Variants in NUFIP1 observed in about 807,000 individuals in gnomAD.
The protein encoded by NUFIP1 is FMR1-interacting protein NUFIP1.
NUFIP1 carries 38 observed loss-of-function variants against 56.2 expected under a neutral mutation model. The observed-to-expected ratio is 0.68, with a 90% CI of 0.52 to 0.89. The LOEUF is 0.89. NUFIP1 is among the 40% of genes least tolerant of loss of function. The pLI, the probability that NUFIP1 is intolerant of heterozygous loss-of-function variation, is 0.00. For synonymous variants in NUFIP1, 215 were observed against 212.4 expected (o/e 1.01, Z -0.10); for missense variants, 567 against 605.8 (o/e 0.94, Z 0.67).
chr13:44,964,699 GA>G (rs879381172), intron 6 of NUFIP1, among the ~76,000 whole-genome samples: 1 of 151,918 alleles, frequency 6.6e-6, no homozygotes, highest in Non-Finnish European at 1.5e-5. Context: ...TATTTGTCAG[GA>G]AACTATCCAA....
At chr13:44,968,925 A>G (rs1430131741) in intron 5 of NUFIP1, among the ~76,000 whole-genome samples, 1 of 152,202 alleles carries the variant, frequency 6.6e-6, no homozygotes, top group East Asian at 1.9e-4. Context: ...TGTGATGTGT[A>G]GAAACTCCTT....
intron 7 of NUFIP1, 102 bp downstream of exon 7, chr13:44,959,279 A>AT: frequency 9.6e-7 from 1 of 1,044,502 alleles, no homozygotes; most frequent in Non-Finnish European, 1.4e-6. Context: ...CTGCATTGTT[A>AT]TACATTTGAT....
At chr13:44,943,109 C>A (rs1053259822) in intron 9 of NUFIP1, among the ~76,000 whole-genome samples, 1 of 151,984 alleles carries the variant, frequency 6.6e-6, no homozygotes, top group East Asian at 1.9e-4. Flanking sequence ...TACTAAAAAT[C>A]TTTTTTTCCC....
chr13:44,984,512 C>T (rs1054842802), intron 1 of NUFIP1, among the ~76,000 whole-genome samples: 3 of 151,850 alleles, frequency 2.0e-5, no homozygotes, highest in African/African-American at 7.3e-5. Flanking sequence ...TGTGGTAGTG[C>T]GTGCCTGTAG....
intron 3 of NUFIP1, among the ~76,000 whole-genome samples, chr13:44,980,342 G>A (rs1050280859): frequency 3.3e-5 from 5 of 152,196 alleles, no homozygotes; most frequent in African/African-American, 1.2e-4. Flanking sequence ...ACAAGGTGTG[G>A]ACCAGCCTTT....
intron 8 of NUFIP1, among the ~76,000 whole-genome samples, chr13:44,948,167 C>T (rs1256523679): frequency 4.4e-5 from 6 of 135,440 alleles, no homozygotes; most frequent in Non-Finnish European, 9.2e-5. Flanking sequence ...TTTTTTGAGC[C>T]AGAGTCTCAC....
intron 7 of NUFIP1, among the ~76,000 whole-genome samples, chr13:44,955,683 C>T (rs1057091336): frequency 2.6e-5 from 4 of 152,160 alleles, no homozygotes; most frequent in African/African-American, 9.7e-5. Flanking sequence ...AGAGAAGCTG[C>T]CTCCAAACAA....
intron 8 of NUFIP1, among the ~76,000 whole-genome samples, chr13:44,946,260 A>G (rs545175737): frequency 6.6e-6 from 1 of 152,232 alleles, no homozygotes; most frequent in Non-Finnish European, 1.5e-5. Flanking sequence ...CATTTCCCAG[A>G]TAAGTATCAT....
chr13:44,974,903 T>C (rs1043196238), intron 5 of NUFIP1, among the ~76,000 whole-genome samples: 23 of 152,202 alleles, frequency 1.5e-4, no homozygotes, highest in Admixed American at 1.4e-3. Context: ...TGAAGACAGA[T>C]GGCACAGAGC....
intron 3 of NUFIP1, among the ~76,000 whole-genome samples, chr13:44,980,428 T>A (rs1288312577): frequency 1.3e-5 from 2 of 152,138 alleles, no homozygotes; most frequent in Non-Finnish European, 2.9e-5. Context: ...AAGAACTCAT[T>A]AAGATGCACA....
At position 44,959,311 on chromosome 13, in the gene NUFIP1, G is replaced by T. The variant is rs1199113480; in HGVS notation, c.1021+70C>A. On this transcript the variant is annotated intron_variant, in intron 7 of 9. Transcript: ENST00000379161. ...TGATATTAAACTTTCCACAAGCAAG[G>T]CTGTGAATAATCAACTTCAGCATCA... 4 of 1,389,634 alleles carry T rather than the reference G, an allele frequency of 2.9e-6. No homozygotes were observed. In the East Asian group the frequency reaches 9.3e-5, roughly 32 times the overall value. 86.1% of individuals were successfully genotyped at this position (1,389,634 alleles called of 1,614,324 possible).
At chr13:44,966,245 C>T (rs1175393) in intron 5 of NUFIP1, among the ~76,000 whole-genome samples, 144,159 of 152,306 alleles carry the variant, frequency 0.95, 68,296 homozygotes, top group East Asian at 1. Context: ...GGCATGTACC[C>T]ATAAATACTG....
At chr13:44,962,303 C>T (rs1052835954) in intron 6 of NUFIP1, among the ~76,000 whole-genome samples, 1 of 152,130 alleles carries the variant, frequency 6.6e-6, no homozygotes, top group Admixed American at 6.5e-5. Context: ...TTGTTGAAAA[C>T]ACGATCCTTT....
intron 2 of NUFIP1, 50 bp from the exon 3 acceptor site, chr13:44,980,870 T>A (rs1384820612): frequency 1.7e-6 from 2 of 1,205,834 alleles, no homozygotes; most frequent in African/African-American, 3.1e-5. Context: ...AAATCTGTAA[T>A]CAATAATAAA....
chr13:44,966,546 C>T (rs1305822693), intron 5 of NUFIP1, among the ~76,000 whole-genome samples: 1 of 151,946 alleles, frequency 6.6e-6, no homozygotes, highest in African/African-American at 2.4e-5. Flanking sequence ...AACTCCTGAC[C>T]TCAGGTGACC....
chr13:44,941,456 G>T, intron 9 of NUFIP1, 134 bp from the exon 10 acceptor site: 1 of 539,384 alleles, frequency 1.9e-6, no homozygotes. Flanking sequence ...TCACTATTTT[G>T]CTAAAAAACG....
chr13:44,980,868 A>G, intron 2 of NUFIP1, 48 bp from the exon 3 acceptor site: 1 of 1,205,542 alleles, frequency 8.3e-7, no homozygotes, highest in Admixed American at 2.2e-5. Flanking sequence ...AAAAATCTGT[A>G]ATCAATAATA....
intron 5 of NUFIP1, among the ~76,000 whole-genome samples, 197 bp downstream of exon 5, chr13:44,978,993 T>C (rs1872086667): frequency 6.6e-6 from 1 of 152,106 alleles, no homozygotes; most frequent in Admixed American, 6.5e-5. Context: ...TACAGTCCCA[T>C]TATGACACAT....
intron 8 of NUFIP1, among the ~76,000 whole-genome samples, chr13:44,948,519 C>T (rs1870970032): frequency 6.6e-6 from 1 of 152,144 alleles, no homozygotes; most frequent in Admixed American, 6.5e-5. Flanking sequence ...AGCACAGCTC[C>T]TACTTTGATT....
Sources: allele counts gnomAD v4.1 joint callset (sites outside exome capture counted in the v4.1 genomes callset), GRCh38; gene constraint gnomAD v4.1.1; transcripts MANE v1.5; gene names NCBI Gene and HGNC (gene_info 2026-07-23, HGNC 2026-07-21).